The following CTNNA3 variants were observed in gnomAD, a reference collection of about 807,000 sequenced individuals.
CTNNA3 encodes catenin alpha 3, also known as catenin alpha-3.
Under a neutral mutation model 95.7 loss-of-function variants are expected in CTNNA3, and 76 were observed. That is an observed-to-expected ratio of 0.79 (90% CI 0.66 to 0.96). The LOEUF (loss-of-function observed/expected upper bound fraction) is 0.96. Ranked by LOEUF, CTNNA3 falls within the 40% of genes least tolerant of loss-of-function variation. The pLI, the probability that CTNNA3 is intolerant of heterozygous loss-of-function variation, is 0.00. For missense variants in CTNNA3, 1,191 were observed against 1,089.8 expected (o/e 1.09, Z -1.31); for synonymous variants, 431 against 374.4 (o/e 1.15, Z -1.74).
At chr10:67,252,525 CTT>C (rs1866152501) in intron 5 of CTNNA3, among the ~76,000 whole-genome samples, 2 of 152,098 alleles carry the variant, frequency 1.3e-5, no homozygotes, top group Admixed American at 6.5e-5. Context: ...TGTAATAAAA[CTT>C]ATGTGAATGT....
At chr10:66,315,591 A>G (rs1170991656) in intron 12 of CTNNA3, among the ~76,000 whole-genome samples, 1 of 151,878 alleles carries the variant, frequency 6.6e-6, no homozygotes. Context: ...TACACTTGCT[A>G]ATTATTTCTG....
intron 7 of CTNNA3, among the ~76,000 whole-genome samples, chr10:66,868,673 C>T (rs35370998): frequency 0.15 from 22,076 of 151,190 alleles, 2,058 homozygotes; most frequent in African/African-American, 0.26. Context: ...ATCGCCTGAA[C>T]CCAGAAGGCA....
At chr10:66,062,599 G>C (rs1185941698) in intron 15 of CTNNA3, among the ~76,000 whole-genome samples, 1 of 152,076 alleles carries the variant, frequency 6.6e-6, no homozygotes, top group Non-Finnish European at 1.5e-5. Context: ...GTAAAGAACA[G>C]ATTTCATTCA....
intron 17 of CTNNA3, among the ~76,000 whole-genome samples, chr10:65,945,738 T>G (rs184449890): frequency 1.3e-5 from 2 of 152,314 alleles, no homozygotes; most frequent in East Asian, 1.9e-4. Flanking sequence ...GTCTGTCATC[T>G]ATAAAATCAG....
chr10:67,613,562 A>G (rs1843535501), intron 2 of CTNNA3, among the ~76,000 whole-genome samples: 1 of 152,098 alleles, frequency 6.6e-6, no homozygotes, highest in Admixed American at 6.6e-5. Context: ...TCTCCTGTCT[A>G]GTTTAGTTGG....
intron 5 of CTNNA3, among the ~76,000 whole-genome samples, chr10:67,500,441 T>C (rs1170341479): frequency 1.3e-5 from 2 of 152,204 alleles, no homozygotes; most frequent in Admixed American, 6.5e-5. Context: ...AGATGTCTAT[T>C]AGGTCTGTTT....
intron 7 of CTNNA3, among the ~76,000 whole-genome samples, chr10:66,949,499 A>G (rs937705021): frequency 6.6e-6 from 1 of 152,086 alleles, no homozygotes. Flanking sequence ...CGGAGGTTGC[A>G]GTGAGCCAAG....
intron 1 of CTNNA3, among the ~76,000 whole-genome samples, chr10:67,674,021 A>G (rs1456988934): frequency 1.3e-5 from 2 of 151,966 alleles, no homozygotes; most frequent in South Asian, 2.1e-4. Flanking sequence ...ATTCTCATAC[A>G]TGTCTCTTTG....
Position 66,804,433 on chromosome 10 carries a change from C to T in CTNNA3, c.1048-28909G>A, listed in dbSNP as rs552269680. On this transcript the variant is annotated intron_variant, in intron 7 of 17. Transcript: ENST00000433211. The stretch of plus-strand genomic sequence containing the variant: ...ACTTCTGGAAAAACTCTCTGTTCTG[C>T]TTTCCTAATGATAAGAACGATACCT... 1.2e-3 allele frequency among the ~76,000 whole-genome samples: 186 copies of T among 152,116 alleles called. 1 individual carries two copies. In the South Asian group the frequency reaches 0.018, roughly 15 times the overall value.
chr10:65,927,052 T>G (rs1423257123), intron 17 of CTNNA3, among the ~76,000 whole-genome samples: 1 of 152,188 alleles, frequency 6.6e-6, no homozygotes, highest in African/African-American at 2.4e-5. Flanking sequence ...TTTCATTTTT[T>G]TTAATTTTTG....
At chr10:66,363,379 T>C (rs2092690286) in intron 12 of CTNNA3, among the ~76,000 whole-genome samples, 1 of 152,176 alleles carries the variant, frequency 6.6e-6, no homozygotes, top group Non-Finnish European at 1.5e-5. Context: ...TTAGTGCCCT[T>C]ATAAGGAGAG....
At chr10:66,560,730 C>A (rs1842527656) in intron 10 of CTNNA3, among the ~76,000 whole-genome samples, 1 of 151,918 alleles carries the variant, frequency 6.6e-6, no homozygotes, top group African/African-American at 2.4e-5. Context: ...GAAGTCTAAT[C>A]CCTAATGTGA....
intron 13 of CTNNA3, among the ~76,000 whole-genome samples, chr10:66,153,650 GTA>G (rs2084324498): frequency 6.6e-6 from 1 of 151,892 alleles, no homozygotes; most frequent in Non-Finnish European, 1.5e-5. Context: ...TTACTTTCTA[GTA>G]CCTGCAGTTA....
chr10:67,425,295 T>C (rs538954748), intron 5 of CTNNA3, among the ~76,000 whole-genome samples: 45 of 152,026 alleles, frequency 3.0e-4, no homozygotes, highest in African/African-American at 1.1e-3. Flanking sequence ...AGGAGACAGG[T>C]GAACAAACAA....
intron 5 of CTNNA3, among the ~76,000 whole-genome samples, chr10:67,413,082 T>C (rs1845423393): frequency 6.6e-6 from 1 of 152,060 alleles, no homozygotes; most frequent in South Asian, 2.1e-4. Flanking sequence ...CCAACCAATC[T>C]GTTGTTTTCA....
intron 13 of CTNNA3, among the ~76,000 whole-genome samples, chr10:66,229,270 T>G (rs1323910128): frequency 6.6e-6 from 1 of 152,158 alleles, no homozygotes; most frequent in African/African-American, 2.4e-5. Flanking sequence ...AGTGAGATCA[T>G]TTTACTTCTT....
chr10:67,725,390 G>T (rs56985883), intron 1 of CTNNA3, among the ~76,000 whole-genome samples: 2 of 152,158 alleles, frequency 1.3e-5, no homozygotes, highest in East Asian at 3.9e-4. Flanking sequence ...TGTTAGCCAG[G>T]ATGGTCTCGA....
intron 10 of CTNNA3, among the ~76,000 whole-genome samples, chr10:66,561,264 C>G (rs954521170): frequency 9.2e-5 from 14 of 151,996 alleles, no homozygotes; most frequent in African/African-American, 3.1e-4. Context: ...GTTCCTTTGA[C>G]ATACAATGCA....
intron 10 of CTNNA3, among the ~76,000 whole-genome samples, chr10:66,581,807 CAAGGT>C (rs1843198472): frequency 6.6e-6 from 1 of 151,468 alleles, no homozygotes; most frequent in Non-Finnish European, 1.5e-5. Context: ...GGTCTTTAGT[CAAGGT>C]AAAGTTAATT....
Sources: allele counts gnomAD v4.1 joint callset (sites outside exome capture counted in the v4.1 genomes callset), GRCh38; gene constraint gnomAD v4.1.1; transcripts MANE v1.5; gene names NCBI Gene and HGNC (gene_info 2026-07-23, HGNC 2026-07-21).